The following HUNK variants were observed in gnomAD, a reference collection of about 807,000 sequenced individuals.
The protein encoded by HUNK is hormonally up-regulated neu tumor-associated kinase.
HUNK carries 21 observed loss-of-function variants against 61.0 expected under a neutral mutation model. That is an observed-to-expected ratio of 0.34 (90% CI 0.24 to 0.50). The LOEUF (loss-of-function observed/expected upper bound fraction) is 0.50. Among genes scored for constraint, HUNK ranks in the 20% least tolerant of loss-of-function variants. The pLI, the probability that HUNK is intolerant of heterozygous loss-of-function variation, is 0.98. For missense variants in HUNK, 772 were observed against 945.7 expected (o/e 0.82, Z 2.41); for synonymous variants, 371 against 386.1 (o/e 0.96, Z 0.46).
At chr21:31,944,116 GTC>G (rs888055977) in intron 3 of HUNK, among the ~76,000 whole-genome samples, 9 of 152,174 alleles carry the variant, frequency 5.9e-5, no homozygotes, top group Non-Finnish European at 1.0e-4. Flanking sequence ...GTCTCGTTCT[GTC>G]TCCCAGGCTG....
At chr21:31,885,733 T>C (rs1192379625) in intron 1 of HUNK, among the ~76,000 whole-genome samples, 1 of 152,108 alleles carries the variant, frequency 6.6e-6, no homozygotes, top group Non-Finnish European at 1.5e-5. Flanking sequence ...ATGTTCCCTT[T>C]TGTATTTTTT....
chr21:31,932,163 T>C (rs1568928387), intron 2 of HUNK, among the ~76,000 whole-genome samples: 1 of 152,222 alleles, frequency 6.6e-6, no homozygotes, highest in Non-Finnish European at 1.5e-5. Flanking sequence ...CAAACTCATG[T>C]GTACTTACAC....
Position 31,940,227 on chromosome 21 carries a change from CTTTT to C in HUNK, c.610+18_610+21del. ...AATAATATCAAGCTGATTGGTATGA[CTTTT>C]TTTTTTTTTTAAGCAAAAGTATCTT... On this transcript the variant is annotated splice_region_variant and intron_variant, in intron 3 of 10. Transcript: ENST00000270112. The C allele has an allele frequency of 8.5e-6, 11 of 1,299,928 alleles. No homozygotes were observed. Among genetic ancestry groups the C allele is most frequent in the South Asian group, 1.4e-5 (1 of 72,074 alleles). The allele number at this position is 1,299,928 out of a possible 1,614,324, so 80.5% of individuals were successfully genotyped here.
chr21:31,917,833 C>T (rs908852590), intron 1 of HUNK, among the ~76,000 whole-genome samples: 2 of 151,712 alleles, frequency 1.3e-5, no homozygotes, highest in Non-Finnish European at 2.9e-5. Context: ...GAACCTGCAG[C>T]GTTGGTAAGA....
At chr21:31,971,077 A>G (rs1199116101) in intron 6 of HUNK, among the ~76,000 whole-genome samples, 1 of 338 alleles carries the variant, frequency 3.0e-3, no homozygotes, top group Non-Finnish European at 6.0e-3. Context: ...ATTTTTATTT[A>G]TTTATTATTT....
intron 1 of HUNK, among the ~76,000 whole-genome samples, chr21:31,913,912 G>A (rs762488543): frequency 1.3e-5 from 2 of 152,012 alleles, no homozygotes; most frequent in African/African-American, 2.4e-5. Context: ...GTGGCAGTCC[G>A]GGGCAGGGGC....
intron 4 of HUNK, 112 bp from the exon 5 acceptor site, chr21:31,958,731 T>G: frequency 1.0e-6 from 1 of 984,240 alleles, no homozygotes; most frequent in Non-Finnish European, 1.5e-6. Context: ...AGAGGGCCTG[T>G]TGAGGTTGGC....
At chr21:31,874,336 G>T (rs1471615074) in intron 1 of HUNK, among the ~76,000 whole-genome samples, 1 of 148,140 alleles carries the variant, frequency 6.8e-6, no homozygotes, top group Non-Finnish European at 1.5e-5. Flanking sequence ...ATGTCGGGGG[G>T]CGGGGGGGGC....
intron 5 of HUNK, among the ~76,000 whole-genome samples, chr21:31,959,378 A>G (rs941943541): frequency 6.6e-6 from 1 of 152,160 alleles, no homozygotes; most frequent in Non-Finnish European, 1.5e-5. Context: ...ATTACTGTCA[A>G]GAAATGTTTG....
At chr21:31,984,375 C>T (rs2053118733) in intron 8 of HUNK, among the ~76,000 whole-genome samples, 2 of 151,602 alleles carry the variant, frequency 1.3e-5, no homozygotes, top group African/African-American at 2.4e-5. Flanking sequence ...GATTATGCGT[C>T]AACTAAAAAT....
intron 4 of HUNK, among the ~76,000 whole-genome samples, chr21:31,958,041 G>A (rs551122548): frequency 9.2e-5 from 14 of 152,248 alleles, no homozygotes; most frequent in Middle Eastern, 3.4e-3. Flanking sequence ...CACCTTGTAA[G>A]CCATCCTTGG....
Position 31,896,311 on chromosome 21 carries a change from G to A in HUNK, c.261+22376G>A, listed in dbSNP as rs896839571. 3.3e-5 allele frequency among the ~76,000 whole-genome samples: 5 copies of A among 152,266 alleles called. No homozygotes were observed. The East Asian group carries it at 7.7e-4, about 23-fold the overall frequency. ...TAAGGTCGGCTTCAGGAATCATGCC[G>A]GGAAACTTCACCTGATTCACGAGAC... On this transcript the variant is annotated intron_variant, in intron 1 of 10. Transcript: ENST00000270112.
At chr21:31,893,495 C>CAT (rs1014045997) in intron 1 of HUNK, among the ~76,000 whole-genome samples, 23 of 152,124 alleles carry the variant, frequency 1.5e-4, no homozygotes, top group Admixed American at 5.9e-4. Context: ...CTCCTATAGT[C>CAT]ATGTTTCGGG....
chr21:31,963,653 T>A (rs2052943655), intron 5 of HUNK, among the ~76,000 whole-genome samples: 1 of 126,200 alleles, frequency 7.9e-6, no homozygotes, highest in Non-Finnish European at 1.9e-5. Flanking sequence ...CATGCCACCA[T>A]GCCCAGCTAA....
At chr21:31,949,961 G>A (rs1308879317) in intron 4 of HUNK, among the ~76,000 whole-genome samples, 1 of 152,126 alleles carries the variant, frequency 6.6e-6, no homozygotes, top group Non-Finnish European at 1.5e-5. Flanking sequence ...CCAATTTAAA[G>A]GTGTGGAAAC....
chr21:31,997,429 A>G (rs149266119), intron 10 of HUNK, among the ~76,000 whole-genome samples: 429 of 152,346 alleles, frequency 2.8e-3, no homozygotes, highest in Non-Finnish European at 4.6e-3. Flanking sequence ...ATCCTGGCAC[A>G]TGCTCCAACA....
At chr21:31,921,788 T>G (rs2052624270) in intron 1 of HUNK, among the ~76,000 whole-genome samples, 1 of 152,198 alleles carries the variant, frequency 6.6e-6, no homozygotes, top group African/African-American at 2.4e-5. Context: ...AAGTTTGCCT[T>G]TAGTTTGGAC....
intron 1 of HUNK, among the ~76,000 whole-genome samples, chr21:31,918,535 G>A (rs59869355): frequency 0.057 from 8,736 of 152,252 alleles, 847 homozygotes; most frequent in African/African-American, 0.2. Flanking sequence ...AGATCAAGGT[G>A]TCAGTAGGGC....
intron 6 of HUNK, among the ~76,000 whole-genome samples, chr21:31,968,715 AGTGTGTGTGT>A (rs746064468): frequency 7.5e-4 from 66 of 88,342 alleles, no homozygotes; most frequent in African/African-American, 2.1e-3. Context: ...CTGTGGCCCG[AGTGTGTGTGT>A]GTGTGTGTGT....
Sources: gnomAD v4.1 joint callset for allele counts (sites outside exome capture counted in the v4.1 genomes callset) on GRCh38, gnomAD v4.1.1 for gene constraint, MANE v1.5 for transcripts, NCBI Gene and HGNC (gene_info 2026-07-23, HGNC 2026-07-21) for gene names.